Variants in FAT1 observed in about 807,000 individuals in gnomAD.
The protein encoded by FAT1 is protocadherin Fat 1.
A neutral mutation model predicts 329.8 loss-of-function variants in FAT1; 171 were observed. That is an observed-to-expected ratio of 0.52 (90% CI 0.46 to 0.59). FAT1 has a LOEUF of 0.59. Among genes scored for constraint, FAT1 ranks in the 20% least tolerant of loss-of-function variants. FAT1 has a pLI of 0.00. For missense variants in FAT1, 5,672 were observed against 5,774.4 expected (o/e 0.98, Z 0.57); for synonymous variants, 2,233 against 2,228.6 (o/e 1.00, Z -0.06).
chr4:186,692,413 C>A (rs1049268726), intron 2 of FAT1, among the ~76,000 whole-genome samples: 2 of 152,006 alleles, frequency 1.3e-5, no homozygotes, highest in African/African-American at 2.4e-5. Context: ...CCCGGGTTCA[C>A]GCCATTCTCC....
chr4:186,699,068 G>T (rs1444231891), intron 2 of FAT1, among the ~76,000 whole-genome samples: 1 of 152,082 alleles, frequency 6.6e-6, no homozygotes, highest in Admixed American at 6.5e-5. Context: ...CTCACTAATT[G>T]TGACAATCTA....
intron 1 of FAT1, among the ~76,000 whole-genome samples, chr4:186,711,094 A>G (rs770555127): frequency 6.6e-6 from 1 of 152,234 alleles, no homozygotes; most frequent in Non-Finnish European, 1.5e-5. Context: ...GAATGCTACC[A>G]GAGGTAAATG....
chr4:186,715,906 T>C (rs1427123991), intron 1 of FAT1, among the ~76,000 whole-genome samples: 1 of 152,250 alleles, frequency 6.6e-6, no homozygotes, highest in Non-Finnish European at 1.5e-5. Flanking sequence ...AAAAATCAGA[T>C]ATTAATATCT....
chr4:186,604,944 C>T (rs1269823751), intron 17 of FAT1, among the ~76,000 whole-genome samples: 7 of 151,596 alleles, frequency 4.6e-5, no homozygotes, highest in East Asian at 2.0e-4. Flanking sequence ...CGAGGCCAGG[C>T]GCGGTGGCTC....
At chr4:186,664,639 G>A (rs1579412535) in intron 2 of FAT1, among the ~76,000 whole-genome samples, 1 of 152,206 alleles carries the variant, frequency 6.6e-6, no homozygotes, top group East Asian at 1.9e-4. Context: ...TACCTCCTCT[G>A]GGGATAAGAA....
chr4:186,659,384 G>A (rs947493697), intron 3 of FAT1, among the ~76,000 whole-genome samples: 2 of 152,184 alleles, frequency 1.3e-5, no homozygotes, highest in African/African-American at 4.8e-5. Flanking sequence ...CTAGCTGCTG[G>A]ACGTTTAGGA....
rs373988752 is a variant in FAT1 at position 186,619,075 on chromosome 4, T to G, written c.7511A>C (p.Asn2504Thr). ...QNEYEVELAE[N>T]APLHTLVMEV... is the part of the protein sequence containing the mutation. ...CATCACCAGGGTATGTAGGGGAGCG[T>G]TTTCAGCTAGTTCCACTTCATATTC... Residue 2504 changes from asparagine (N) to threonine (T), a missense_variant, in exon 10 of 27, where the codon AAC (asparagine) becomes ACC (threonine). By Grantham distance (65) the Asn-to-Thr change is moderately conservative. This residue lies in a region of FAT1 where 3,966 missense variants were observed against 3,915.2 expected (regional missense o/e 1.01). Coordinates refer to ENST00000441802, the MANE Select transcript of FAT1 (RefSeq NM_005245.4). The G allele has an allele frequency of 1.2e-5, 20 of 1,613,814 alleles. No individual in the cohort carries two copies. The highest frequency in any genetic ancestry group is 1.6e-5 in the Non-Finnish European group (19 of 1,179,864).
intron 26 of FAT1, among the ~76,000 whole-genome samples, chr4:186,589,917 TA>T (rs1456763571): frequency 2.0e-5 from 3 of 152,178 alleles, no homozygotes; most frequent in Non-Finnish European, 4.4e-5. Context: ...GTAGCAAGTT[TA>T]ATATTAAAAT....
Position 186,620,712 on chromosome 4 carries a change from T to C in FAT1, c.5874A>G (p.Arg1958=), listed in dbSNP as rs1456223846. 1 of 1,613,994 alleles carries C rather than the reference T, an allele frequency of 6.2e-7. No homozygotes were observed. ...TTTTGACAGAGGTAAGGCCGGCAAA[T>C]CTGCCATCGGAAGCTCTAACGGTTA... is the stretch of plus-strand genomic sequence containing the variant. The part of the protein sequence containing the change: ...YELTVRASDG[R]FAGLTSVKIN... The change falls in exon 10 of 27, where the codon AGA becomes AGG. Residue 1958 remains arginine (R), a synonymous_variant. Coordinates refer to ENST00000441802, the MANE Select transcript of FAT1 (RefSeq NM_005245.4).
Position 186,610,385 on chromosome 4 carries a change from C to T in FAT1, c.9854-370G>A, listed in dbSNP as rs971103907. Among the ~76,000 whole-genome samples, 11 of 151,774 alleles carry T rather than the reference C, an allele frequency of 7.2e-5. 1 individual carries two copies. The highest frequency in any genetic ancestry group is 1.0e-4 in the Non-Finnish European group (7 of 67,912). The stretch of plus-strand genomic sequence containing the variant: ...AACGTAAAAATTCTATTGTGTCTTT[C>T]GGTTTCATTTTTTGTCTCATCTTTT... On this transcript the variant is annotated intron_variant, in intron 14 of 26. Transcript: ENST00000441802.
intron 2 of FAT1, among the ~76,000 whole-genome samples, chr4:186,664,573 G>T (rs2126621038): frequency 6.6e-6 from 1 of 152,324 alleles, no homozygotes. Context: ...TAGAGTATCT[G>T]TAATGTTTTG....
chr4:186,661,183 CCT>C (rs937720188), intron 3 of FAT1, among the ~76,000 whole-genome samples: 6 of 152,086 alleles, frequency 3.9e-5, no homozygotes, highest in African/African-American at 1.4e-4. Flanking sequence ...TCCCAGAACC[CCT>C]GTTAGTCTTT....
intron 16 of FAT1, among the ~76,000 whole-genome samples, chr4:186,607,027 A>G (rs964127770): frequency 6.6e-6 from 1 of 152,346 alleles, no homozygotes; most frequent in East Asian, 1.9e-4. Context: ...CAAAGATACT[A>G]AATTTATTCT....
intron 6 of FAT1, among the ~76,000 whole-genome samples, chr4:186,634,304 C>A (rs1416687584): frequency 6.6e-6 from 1 of 151,976 alleles, no homozygotes; most frequent in Non-Finnish European, 1.5e-5. Context: ...CTACTATAAA[C>A]TATTTGAAAA....
At chr4:186,593,192 C>T (rs982955155) in intron 26 of FAT1, among the ~76,000 whole-genome samples, 5 of 152,150 alleles carry the variant, frequency 3.3e-5, no homozygotes, top group Admixed American at 3.3e-4. Flanking sequence ...GAAGGAGAAA[C>T]ATATGCAATC....
chr4:186,722,894 C>CAA (rs61515271), intron 1 of FAT1, among the ~76,000 whole-genome samples: 8,798 of 145,890 alleles, frequency 0.06, 319 homozygotes, highest in African/African-American at 0.1. Context: ...ACAGTTCAGA[C>CAA]AAAAAAAAAA....
chr4:186,610,232 CATG>C (rs1411557836), intron 14 of FAT1, among the ~76,000 whole-genome samples: 8 of 152,216 alleles, frequency 5.3e-5, no homozygotes, highest in African/African-American at 1.9e-4. Flanking sequence ...TGATATTCTT[CATG>C]ATATTTAAAT....
At chr4:186,668,367 G>A (rs1476714706) in intron 2 of FAT1, among the ~76,000 whole-genome samples, 1 of 152,182 alleles carries the variant, frequency 6.6e-6, no homozygotes, top group Non-Finnish European at 1.5e-5. Flanking sequence ...AGAAAGACCA[G>A]GGGTAGAGCT....
chr4:186,650,656 T>C (rs1259321817), intron 3 of FAT1, among the ~76,000 whole-genome samples: 3 of 152,198 alleles, frequency 2.0e-5, no homozygotes, highest in Non-Finnish European at 4.4e-5. Flanking sequence ...ATTTTAACCG[T>C]ACCTCTTGCT....
Sources: gnomAD v4.1 joint callset for allele counts (sites outside exome capture counted in the v4.1 genomes callset) on GRCh38, gnomAD v4.1.1 for gene constraint, gnomAD v4.1.1 regional missense constraint, MANE v1.5 for transcripts, NCBI Gene and HGNC (gene_info 2026-07-23, HGNC 2026-07-21) for gene names.